BLTP3A: variants seen among roughly 807,000 people sequenced by gnomAD.
BLTP3A encodes the protein bridge-like lipid transfer protein family member 3A, also known as ICBP90 binding protein 1.
the BLTP3A span, chr6:34,857,367 A>G: frequency 1.2e-6 from 2 of 1,614,010 alleles, no homozygotes; most frequent in Admixed American, 1.7e-5. Flanking sequence ...AGCCATCTAC[A>G]CTCCTTTCCT....
chr6:34,811,577 A>G, the BLTP3A span, among the ~76,000 whole-genome samples: 1 of 152,060 alleles, frequency 6.6e-6, no homozygotes, highest in Non-Finnish European at 1.5e-5. Context: ...GTGTTTAAAA[A>G]AAGGCCAGGC....
the BLTP3A span, among the ~76,000 whole-genome samples, chr6:34,848,950 A>ATT: frequency 9.2e-5 from 8 of 86,850 alleles, no homozygotes; most frequent in East Asian, 3.2e-4. Context: ...AATTTCTTGC[A>ATT]TTTTTTTTTT....
chr6:34,816,509 G>A, the BLTP3A span, among the ~76,000 whole-genome samples: 53 of 118,100 alleles, frequency 4.5e-4, no homozygotes, highest in African/African-American at 2.3e-3. Context: ...TACTCTGGAG[G>A]CTGAGATTGG....
the BLTP3A span, chr6:34,871,661 G>A: frequency 6.2e-7 from 1 of 1,614,234 alleles, no homozygotes; most frequent in Non-Finnish European, 8.5e-7. Context: ...TTGTGCTGAA[G>A]AGGAGTGATG....
At chr6:34,867,764 T>C in the BLTP3A span, 4 of 1,087,190 alleles carry the variant, frequency 3.7e-6, no homozygotes, top group African/African-American at 3.5e-5. Flanking sequence ...AAAAACTCCA[T>C]TGAAGCCTTT....
At chr6:34,871,466 C>T in the BLTP3A span, 4 of 1,003,340 alleles carry the variant, frequency 4.0e-6, no homozygotes, top group Non-Finnish European at 4.5e-6. Flanking sequence ...TTATACCTTC[C>T]AAGAATGTAT....
the BLTP3A span, among the ~76,000 whole-genome samples, chr6:34,841,223 C>T: frequency 7.9e-5 from 12 of 152,182 alleles, no homozygotes; most frequent in Admixed American, 3.3e-4. Context: ...CCCACCACCA[C>T]GCCTGGTTGA....
At chr6:34,793,724 T>C in the BLTP3A span, among the ~76,000 whole-genome samples, 1 of 152,104 alleles carries the variant, frequency 6.6e-6, no homozygotes, top group Admixed American at 6.6e-5. Context: ...AAAGATATAA[T>C]AGTATTTGGG....
chr6:34,841,513 T>G, the BLTP3A span, among the ~76,000 whole-genome samples: 11 of 152,382 alleles, frequency 7.2e-5, no homozygotes, highest in East Asian at 2.1e-3. Flanking sequence ...AATTAGTTCT[T>G]TATTTGCTGT....
chr6:34,856,448 C>T, the BLTP3A span: 2 of 1,590,942 alleles, frequency 1.3e-6, no homozygotes, highest in Non-Finnish European at 1.7e-6. Flanking sequence ...GTTGCTTAGC[C>T]TCTTGCCATT....
chr6:34,830,494 G>A, the BLTP3A span, among the ~76,000 whole-genome samples: 2 of 152,108 alleles, frequency 1.3e-5, no homozygotes, highest in Admixed American at 1.3e-4. Flanking sequence ...AGAGTCTGAG[G>A]CAGGAGAATT....
the BLTP3A span, chr6:34,823,457 G>A: frequency 1.2e-6 from 1 of 834,414 alleles, no homozygotes; most frequent in Non-Finnish European, 1.9e-6. Context: ...TTACACTAAA[G>A]TAAAGAAAAT....
At chr6:34,851,770 C>T in the BLTP3A span, among the ~76,000 whole-genome samples, 3 of 152,120 alleles carry the variant, frequency 2.0e-5, no homozygotes, top group East Asian at 1.9e-4. Flanking sequence ...GGCCCGGAGT[C>T]GGGAACCTTA....
the BLTP3A span, among the ~76,000 whole-genome samples, chr6:34,835,698 G>A: frequency 2.6e-5 from 4 of 152,176 alleles, no homozygotes; most frequent in Non-Finnish European, 4.4e-5. Context: ...TACACCTCTT[G>A]TTCCTGTCCT....
chr6:34,832,208 C>T, the BLTP3A span, among the ~76,000 whole-genome samples: 2 of 151,748 alleles, frequency 1.3e-5, no homozygotes, highest in East Asian at 3.9e-4. Context: ...CAGCCTAGAC[C>T]TCCTCAGGCT....
At chr6:34,865,037 T>C in the BLTP3A span, among the ~76,000 whole-genome samples, 32 of 152,220 alleles carry the variant, frequency 2.1e-4, no homozygotes, top group Non-Finnish European at 4.6e-4. Flanking sequence ...CTATGTGGTA[T>C]TAATACTAAG....
At chr6:34,823,772 C>T in the BLTP3A span, among the ~76,000 whole-genome samples, 2 of 151,504 alleles carry the variant, frequency 1.3e-5, no homozygotes, top group Non-Finnish European at 1.5e-5. Flanking sequence ...TGGCTTTAAG[C>T]GATCCTCCCA....
chr6:34,871,985 G>C, the BLTP3A span: 1 of 1,533,398 alleles, frequency 6.5e-7, no homozygotes, highest in South Asian at 1.2e-5. Flanking sequence ...TTGTGAAACT[G>C]GTAAAACCCG....
At chr6:34,798,594 C>CTTTTCT in the BLTP3A span, among the ~76,000 whole-genome samples, 1 of 94,500 alleles carries the variant, frequency 1.1e-5, no homozygotes, top group Non-Finnish European at 2.0e-5. Flanking sequence ...TTCTTTCTTT[C>CTTTTCT]TTTTTTTTTT....
Sources: allele counts gnomAD v4.1 joint callset (sites outside exome capture counted in the v4.1 genomes callset), GRCh38; gene constraint gnomAD v4.1.1; transcripts MANE v1.5; gene names NCBI Gene and HGNC (gene_info 2026-07-23, HGNC 2026-07-21).